The following TCERG1L variants were observed in gnomAD, a reference collection of about 807,000 sequenced individuals.
The protein encoded by TCERG1L is transcription elongation regulator 1-like protein.
In TCERG1L, 37 loss-of-function variants were observed where a neutral mutation model predicts 56.3. That is an observed-to-expected ratio of 0.66 (90% CI 0.51 to 0.87). TCERG1L has a LOEUF of 0.87. Ranked by LOEUF, TCERG1L falls within the 40% of genes least tolerant of loss-of-function variation. The probability of loss-of-function intolerance (pLI) is 0.00; values close to 1 mark genes in which losing one functional copy is unlikely to be tolerated. For synonymous variants in TCERG1L, 324 were observed against 326.3 expected, an observed-to-expected ratio of 0.99 and a Z score of 0.08; for missense variants, 799 against 774.2, an observed-to-expected ratio of 1.03 and a Z score of -0.38.
chr10:131,102,448 C>T (rs1278600004), intron 10 of TCERG1L, among the ~76,000 whole-genome samples: 1 of 152,194 alleles, frequency 6.6e-6, no homozygotes, highest in East Asian at 1.9e-4. Context: ...GTTCGTGCTT[C>T]ACTGACACCA....
chr10:131,182,150 T>C (rs2133453457), intron 4 of TCERG1L, among the ~76,000 whole-genome samples: 1 of 152,350 alleles, frequency 6.6e-6, no homozygotes, highest in East Asian at 1.9e-4. Flanking sequence ...TGAGCATGTG[T>C]GTGCATGTGT....
At chr10:131,153,739 C>A (rs538194419) in intron 6 of TCERG1L, among the ~76,000 whole-genome samples, 2 of 152,294 alleles carry the variant, frequency 1.3e-5, no homozygotes, top group South Asian at 4.1e-4. Flanking sequence ...CCCTGGAATG[C>A]CCCAAAGTGT....
At chr10:131,301,644 CTCG>C (rs1440348369) in intron 3 of TCERG1L, among the ~76,000 whole-genome samples, 2 of 151,266 alleles carry the variant, frequency 1.3e-5, no homozygotes, top group Non-Finnish European at 2.9e-5. Flanking sequence ...AAAACGTAAC[CTCG>C]TCTGCTTTTT....
At chr10:131,212,555 G>C (rs1164629102) in intron 4 of TCERG1L, among the ~76,000 whole-genome samples, 2 of 152,232 alleles carry the variant, frequency 1.3e-5, no homozygotes, top group African/African-American at 4.8e-5. Flanking sequence ...AATGGTAAAT[G>C]AAAGAAGTGA....
intron 4 of TCERG1L, among the ~76,000 whole-genome samples, chr10:131,246,861 C>G (rs1437246251): frequency 6.6e-6 from 1 of 152,202 alleles, no homozygotes; most frequent in Non-Finnish European, 1.5e-5. Context: ...GCACACTCAG[C>G]GGACAGGACT....
At chr10:131,148,572 A>T (rs1007870670) in intron 6 of TCERG1L, among the ~76,000 whole-genome samples, 4 of 133,356 alleles carry the variant, frequency 3.0e-5, no homozygotes, top group African/African-American at 1.1e-4. Flanking sequence ...ACACATACAC[A>T]CAAATACAGA....
chr10:131,219,371 G>C (rs1845705682), intron 4 of TCERG1L, among the ~76,000 whole-genome samples: 1 of 152,178 alleles, frequency 6.6e-6, no homozygotes, highest in Admixed American at 6.5e-5. Context: ...CCCCTGGCTG[G>C]CCGACCCCAG....
intron 3 of TCERG1L, among the ~76,000 whole-genome samples, chr10:131,299,575 A>G (rs1846737864): frequency 7.0e-6 from 1 of 143,552 alleles, no homozygotes; most frequent in South Asian, 2.1e-4. Context: ...TCCACTATTA[A>G]GTACAACGTT....
chr10:131,292,824 A>C (rs1564835639), intron 3 of TCERG1L, among the ~76,000 whole-genome samples: 1 of 151,706 alleles, frequency 6.6e-6, no homozygotes, highest in East Asian at 1.9e-4. Flanking sequence ...CGTGTCCATG[A>C]GAATTTTTAA....
chr10:131,187,348 G>A (rs1845255453), intron 4 of TCERG1L, among the ~76,000 whole-genome samples: 1 of 152,188 alleles, frequency 6.6e-6, no homozygotes, highest in Admixed American at 6.5e-5. Flanking sequence ...CTAATCCAAG[G>A]CCCAGCCATT....
chr10:131,146,566 C>T lies in TCERG1L; in HGVS notation c.1129G>A (p.Gly377Arg), dbSNP rs141406580. Residue 377 changes from glycine to arginine, a missense_variant, in exon 7 of 12, where the codon GGA becomes AGA. Transcript: ENST00000368642. Reference sequence around the variant, plus strand: ...TCCTCAATGATCCTGTTGAGGTCTCCGCGGTCCTTCAGGTCCATGGGCTTC... The same window carrying T: ...TCCTCAATGATCCTGTTGAGGTCTCTGCGGTCCTTCAGGTCCATGGGCTTC... ...WEKPMDLKDR[G>R]DLNRIIEDPP... 35 of 1,613,928 alleles carry T rather than the reference C, an allele frequency of 2.2e-5. No individual in the cohort carries two copies. The highest frequency in any genetic ancestry group is 8.3e-5 in the Admixed American group (5 of 60,020).
chr10:131,256,997 G>GA (rs56163744), intron 4 of TCERG1L, among the ~76,000 whole-genome samples: 16 of 74,262 alleles, frequency 2.2e-4, no homozygotes, highest in African/African-American at 7.3e-4. Context: ...AGGAAGGAAA[G>GA]AAAGAAAGAA....
intron 4 of TCERG1L, among the ~76,000 whole-genome samples, chr10:131,259,526 A>G (rs574971453): frequency 8.2e-4 from 125 of 152,332 alleles, no homozygotes; most frequent in Admixed American, 1.7e-3. Context: ...CGTGCAGGTT[A>G]CAGTTAGTGG....
At chr10:131,102,442 G>C (rs1018348426) in intron 10 of TCERG1L, among the ~76,000 whole-genome samples, 1 of 152,158 alleles carries the variant, frequency 6.6e-6, no homozygotes, top group Non-Finnish European at 1.5e-5. Flanking sequence ...CTGTGGGTTC[G>C]TGCTTCACTG....
chr10:131,217,971 G>A (rs1428756614), intron 4 of TCERG1L, among the ~76,000 whole-genome samples: 7 of 152,018 alleles, frequency 4.6e-5, no homozygotes, highest in Non-Finnish European at 5.9e-5. Flanking sequence ...TGATCTGCCC[G>A]TCTTGGCCTC....
chr10:131,183,782 C>T (rs1047087938), intron 4 of TCERG1L, among the ~76,000 whole-genome samples: 2 of 152,236 alleles, frequency 1.3e-5, no homozygotes, highest in East Asian at 1.9e-4. Flanking sequence ...CTGTCTCCTA[C>T]TCTGTGCATT....
At chr10:131,143,424 C>A (rs7910178) in intron 7 of TCERG1L, among the ~76,000 whole-genome samples, 1 of 152,032 alleles carries the variant, frequency 6.6e-6, no homozygotes, top group Non-Finnish European at 1.5e-5. Flanking sequence ...TCCCTCGCCT[C>A]TCCTCCCTCC....
intron 6 of TCERG1L, among the ~76,000 whole-genome samples, chr10:131,151,936 C>T (rs1403696184): frequency 6.6e-6 from 1 of 152,202 alleles, no homozygotes; most frequent in Non-Finnish European, 1.5e-5. Context: ...GAAGCAATGG[C>T]CTGAGATGTA....
At chr10:131,123,623 G>A (rs1044439927) in intron 8 of TCERG1L, among the ~76,000 whole-genome samples, 2 of 152,108 alleles carry the variant, frequency 1.3e-5, no homozygotes, top group Admixed American at 6.5e-5. Flanking sequence ...TGGGAGCCCA[G>A]AGCCTCTGAG....
Sources: allele counts gnomAD v4.1 joint callset (sites outside exome capture counted in the v4.1 genomes callset), GRCh38; gene constraint gnomAD v4.1.1; transcripts MANE v1.5; gene names NCBI Gene and HGNC (gene_info 2026-07-23, HGNC 2026-07-21).